The following MAZ variants were observed in gnomAD, a reference collection of about 807,000 sequenced individuals.
MAZ encodes the protein myc-associated zinc finger protein.
In MAZ, 4 loss-of-function variants were observed where a neutral mutation model predicts 32.7. That is an observed-to-expected ratio of 0.12 (90% CI 0.06 to 0.28). MAZ has a LOEUF of 0.28. MAZ is among the 10% of genes least tolerant of loss of function. The probability of loss-of-function intolerance (pLI) is 1.00; values close to 1 mark genes in which losing one functional copy is unlikely to be tolerated. For synonymous variants in MAZ, 510 were observed against 297.6 expected (o/e 1.71, Z -7.35); for missense variants, 763 against 667.2 (o/e 1.14, Z -1.58).
At position 29,810,177 on chromosome 16, in the gene MAZ, G is replaced by T. The variant is rs11559001; in HGVS notation, c.1380G>T (p.Ser460=). Residue 460 remains serine, a synonymous_variant, in exon 5 of 5, where the codon TCG becomes TCT. Transcript: ENST00000322945. ...CTCCCACAGCTGTGGGCTCCCTCTC[G>T]GGGGCGGAGGGGGTGCCTGTGAGCT... The part of the protein sequence containing the change: ...AAPPTAVGSL[S]GAEGVPVSSQ... The T allele has an allele frequency of 3.7e-6, 6 of 1,607,942 alleles. No homozygotes were observed. The South Asian group carries it at 5.5e-5, about 15-fold the overall frequency.
chr16:29,809,872 C>T (rs1899814490), intron 4 of MAZ: 1 of 1,036,184 alleles, frequency 9.7e-7, no homozygotes, highest in African/African-American at 1.6e-5. Flanking sequence ...CCATGTACCA[C>T]TCAGGCTAGG....
Position 29,807,690 on chromosome 16 carries a change from C to G in MAZ, c.905C>G (p.Ser302Trp). Residue 302 changes from serine (S) to tryptophan (W), a missense_variant, in exon 2 of 5, where the codon TCG becomes TGG. Coordinates refer to ENST00000322945, the MANE Select transcript of MAZ (RefSeq NM_002383.4). ...YHLNRHKLSH[S>W]DEKPYQCPVC... is the part of the protein sequence containing the mutation. ...CTGAACCGACACAAGCTGTCGCACTCGGACGAGAAGCCCTACCAGTGCCCG... is the reference window on the plus strand; with the variant it reads ...CTGAACCGACACAAGCTGTCGCACTGGGACGAGAAGCCCTACCAGTGCCCG... 1.2e-6 allele frequency: 2 copies of G among 1,612,954 alleles called. No individual in the cohort carries two copies. Among genetic ancestry groups the G allele is most frequent in the Non-Finnish European group, 1.7e-6 (2 of 1,179,974 alleles).
Position 29,807,430 on chromosome 16 carries a change from C to G in MAZ, c.645C>G (p.Ala215=). 1 of 1,612,432 alleles carries G rather than the reference C, an allele frequency of 6.2e-7. No individual in the cohort carries two copies. The highest frequency in any genetic ancestry group is 8.5e-7 in the Non-Finnish European group (1 of 1,179,718). Reference sequence around the variant, plus strand: ...GGCACGAAGCCATCCACACGGGAGCCAAGGCCGGCCGGGTCCCCTCGGGTG... The same window carrying G: ...GGCACGAAGCCATCCACACGGGAGCGAAGGCCGGCCGGGTCCCCTCGGGTG... ...LRRHEAIHTG[A]KAGRVPSGAM... is the part of the protein sequence containing the mutation. Residue 215 remains alanine, a synonymous_variant, in exon 2 of 5, where the codon GCC becomes GCG. Transcript: ENST00000322945.
chr16:29,810,526 CT>C lies in MAZ; in HGVS notation c.*296del. ...CACGAGCAGCCACTGCCCGTACCCCCTCTCCTCTCTGTAAGCCCATGCCCTG... is the reference window on the plus strand; with the variant it reads ...CACGAGCAGCCACTGCCCGTACCCCCCTCCTCTCTGTAAGCCCATGCCCTG... On this transcript the variant is annotated 3_prime_UTR_variant, in exon 5 of 5. Coordinates refer to ENST00000322945, the MANE Select transcript of MAZ (RefSeq NM_002383.4). 1 of 701,612 alleles carries C rather than the reference CT, an allele frequency of 1.4e-6. No homozygotes were observed. Among genetic ancestry groups the C allele is most frequent in the South Asian group, 1.5e-5 (1 of 66,760 alleles). The allele number at this position is 701,612 out of a possible 1,614,324, so 43.5% of individuals were successfully genotyped here. A position where few individuals can be genotyped will look rare whatever the true frequency, so the allele number is the denominator to read the frequency against.
intron 2 of MAZ, 29 bp downstream of exon 2, chr16:29,807,857 G>A (rs1041005409): frequency 6.3e-7 from 1 of 1,592,066 alleles, no homozygotes; most frequent in African/African-American, 1.3e-5. Context: ...CCGCCCGCTA[G>A]GCCGTGGGGA....
In MAZ at chr16:29,806,800, A is replaced by C; in HGVS notation, c.99A>C (p.Pro33=). ...GVGGLMNSFP[P]PQGHAQNPLQ... Reference sequence around the variant, plus strand: ...GCGGCCTCATGAACTCCTTCCCGCCACCTCAGGGTCACGCCCAGAACCCCC... The same window carrying C: ...GCGGCCTCATGAACTCCTTCCCGCCCCCTCAGGGTCACGCCCAGAACCCCC... Residue 33 remains proline (P), a synonymous_variant, in exon 1 of 5, where the codon CCA becomes CCC. Coordinates refer to ENST00000322945, the MANE Select transcript of MAZ (RefSeq NM_002383.4). The C allele has an allele frequency of 7.0e-7, 1 of 1,428,396 alleles. No homozygotes were observed. The allele number at this position is 1,428,396 out of a possible 1,614,324, so 88.5% of individuals were successfully genotyped here.
chr16:29,810,523 C>G lies in MAZ; in HGVS notation c.*292C>G. 1 of 701,600 alleles carries G rather than the reference C, an allele frequency of 1.4e-6. No homozygotes were observed. Among genetic ancestry groups the G allele is most frequent in the Non-Finnish European group, 2.6e-6 (1 of 384,730 alleles). 43.5% of individuals were successfully genotyped at this position (701,600 alleles called of 1,614,324 possible). On this transcript the variant is annotated 3_prime_UTR_variant, in exon 5 of 5. Coordinates refer to ENST00000322945, the MANE Select transcript of MAZ (RefSeq NM_002383.4). ...GGACACGAGCAGCCACTGCCCGTACCCCCTCTCCTCTCTGTAAGCCCATGC... is the reference window on the plus strand; with the variant it reads ...GGACACGAGCAGCCACTGCCCGTACGCCCTCTCCTCTCTGTAAGCCCATGC...
At chr16:29,807,973 C>G (rs1899629395) in intron 2 of MAZ, 145 bp downstream of exon 2, 15 of 1,414,004 alleles carry the variant, frequency 1.1e-5, no homozygotes, top group African/African-American at 1.4e-5. Context: ...GGAAGCCTCT[C>G]CCGGTTACCA....
Position 29,806,761 on chromosome 16 carries a change from C to T in MAZ, c.60C>T (p.Asp20=), listed in dbSNP as rs755288561. 3 of 1,433,358 alleles carry T rather than the reference C, an allele frequency of 2.1e-6. No homozygotes were observed. The highest frequency in any genetic ancestry group is 3.0e-5 in the East Asian group (1 of 33,540). The allele number at this position is 1,433,358 out of a possible 1,614,324, so 88.8% of individuals were successfully genotyped here. The part of the protein sequence containing the change: ...LAPPFPVLGL[D]SRGVGGLMNS... ...CCCCCTTCCCCGTGCTGGGCCTGGA[C>T]TCCCGGGGGGTGGGCGGCCTCATGA... The change falls in exon 1 of 5, where the codon GAC becomes GAT. Residue 20 remains aspartate, a synonymous_variant. Coordinates refer to ENST00000322945, the MANE Select transcript of MAZ (RefSeq NM_002383.4).
chr16:29,808,433 CTCA>C, intron 3 of MAZ, 134 bp from the exon 4 acceptor site: 1 of 995,376 alleles, frequency 1.0e-6, no homozygotes, highest in Non-Finnish European at 1.6e-6. Flanking sequence ...TCTTCAAGGC[CTCA>C]TCATGTCACT....
In MAZ at chr16:29,807,770, C is replaced by G; in HGVS notation, c.985C>G (p.His329Asp). ...KDRMSYHVRS[H>D]DGAVHKPYNC... is the part of the protein sequence containing the mutation. ...CCGCATGAGCTACCACGTGCGCTCA[C>G]ATGACGGCGCTGTGCACAAGCCCTA... Residue 329 changes from histidine to aspartate, a missense_variant, in exon 2 of 5, where the codon CAT becomes GAT. Transcript: ENST00000322945. 6.2e-7 allele frequency: 1 copy of G among 1,612,350 alleles called. No individual in the cohort carries two copies. Among genetic ancestry groups the G allele is most frequent in the South Asian group, 1.1e-5 (1 of 91,090 alleles).
intron 2 of MAZ, 148 bp from the exon 3 acceptor site, chr16:29,808,082 C>T (rs1431761863): frequency 1.5e-5 from 15 of 972,186 alleles, no homozygotes; most frequent in Middle Eastern, 5.8e-4. Context: ...CTGCTGGGCT[C>T]CAGGGGAGGG....
chr16:29,807,276 T>C lies in MAZ; in HGVS notation c.491T>C (p.Val164Ala). 1 of 1,511,930 alleles carries C rather than the reference T, an allele frequency of 6.6e-7. No individual in the cohort carries two copies. Among genetic ancestry groups the C allele is most frequent in the Non-Finnish European group, 8.8e-7 (1 of 1,133,766 alleles). The allele number at this position is 1,511,930 out of a possible 1,614,324, so 93.7% of individuals were successfully genotyped here. ...ATIAAAAATAVVAPTSTVAVA... is the reference protein window; with the variant it reads ...ATIAAAAATAAVAPTSTVAVA... The stretch of plus-strand genomic sequence containing the variant: ...ATCGCCGCGGCGGCGGCCACCGCCG[T>C]CGTAGCCCCAACCTCGACGGTCGCC... The change falls in exon 2 of 5, where the codon GTC becomes GCC. Residue 164 changes from valine (V) to alanine (A), a missense_variant. Coordinates refer to ENST00000322945, the MANE Select transcript of MAZ (RefSeq NM_002383.4).
chr16:29,810,593 C>T lies in MAZ; in HGVS notation c.*362C>T, dbSNP rs1369453900. 1 of 683,776 alleles carries T rather than the reference C, an allele frequency of 1.5e-6. No individual in the cohort carries two copies. Among genetic ancestry groups the T allele is most frequent in the Non-Finnish European group, 2.7e-6 (1 of 372,902 alleles). The allele number at this position is 683,776 out of a possible 1,614,324, so 42.4% of individuals were successfully genotyped here. A position where few individuals can be genotyped will look rare whatever the true frequency, so the allele number is the denominator to read the frequency against. On this transcript the variant is annotated 3_prime_UTR_variant, in exon 5 of 5. Transcript: ENST00000322945. ...GTGAGCCTCTTCCCTCGACGGTCCT[C>T]TTCTCTCCTTCCAGTCCTCTCCCCC...
At chr16:29,806,925 G>C (rs761614851) in intron 1 of MAZ, 32 bp downstream of exon 1, 14 of 1,226,658 alleles carry the variant, frequency 1.1e-5, no homozygotes, top group East Asian at 8.3e-5. Flanking sequence ...GGCCCGGGCT[G>C]GGGGGGGACG....
rs542642543 is a variant in MAZ, at chr16:29,810,300, C to A, written c.*69C>A. 20 of 1,453,306 alleles carry A rather than the reference C, an allele frequency of 1.4e-5. No individual in the cohort carries two copies. The East Asian group carries it at 4.2e-4, about 31-fold the overall frequency. 90.0% of individuals were successfully genotyped at this position (1,453,306 alleles called of 1,614,324 possible). ...CCCTTGGTACAAGCTCCTCTCCCCC[C>A]TCTTTTCCCACCAACTCCTATTTCC... On this transcript the variant is annotated 3_prime_UTR_variant, in exon 5 of 5. Transcript: ENST00000322945.
Position 29,807,196 on chromosome 16 carries a change from C to G in MAZ, c.411C>G (p.Pro137=), listed in dbSNP as rs973899554. The change falls in exon 2 of 5, where the codon CCC becomes CCG. Residue 137 remains proline (P), a synonymous_variant. Coordinates refer to ENST00000322945, the MANE Select transcript of MAZ (RefSeq NM_002383.4). ...AGCCTCCGGCGCCCCCTCCGCCACC[C>G]CCGCCAGTGTCGGCGCCCGCGGCCG... ...LKQPPAPPPP[P]PPVSAPAAEA... 1.7e-6 allele frequency: 2 copies of G among 1,191,232 alleles called. No individual in the cohort carries two copies. Among genetic ancestry groups the G allele is most frequent in the African/African-American group, 1.6e-5 (1 of 61,806 alleles). The allele number at this position is 1,191,232 out of a possible 1,614,324, so 73.8% of individuals were successfully genotyped here.
intron 4 of MAZ, chr16:29,809,773 TGGGGCATGGCTGG>T: frequency 7.4e-7 from 1 of 1,353,506 alleles, no homozygotes; most frequent in Non-Finnish European, 9.7e-7. Context: ...AGGCAAGGCG[TGGGGCATGGCTGG>T]GGGGCGGGAT....
chr16:29,807,983 A>C, intron 2 of MAZ, 155 bp downstream of exon 2: 1 of 1,354,030 alleles, frequency 7.4e-7, no homozygotes, highest in African/African-American at 1.5e-5. Context: ...CCCGGTTACC[A>C]GGGAGCAAGG....
Sources: allele counts gnomAD v4.1 joint callset, GRCh38; gene constraint gnomAD v4.1.1; transcripts MANE v1.5; gene names NCBI Gene and HGNC (gene_info 2026-07-23, HGNC 2026-07-21).